The following CPQ variants were observed in gnomAD, a reference collection of about 807,000 sequenced individuals.
The protein encoded by CPQ is Ser-Met dipeptidase.
Under a neutral mutation model 45.7 loss-of-function variants are expected in CPQ, and 37 were observed. The observed-to-expected ratio is 0.81, with a 90% CI of 0.62 to 1.07. The LOEUF (loss-of-function observed/expected upper bound fraction) is 1.07, where lower values mean the gene tolerates loss of function less well. Ranked by LOEUF, CPQ falls within the 50% of genes least tolerant of loss-of-function variation. The pLI is 0.00. For synonymous variants in CPQ, 186 were observed against 205.8 expected (o/e 0.90, Z 0.82); for missense variants, 537 against 572.9 (o/e 0.94, Z 0.64).
intron 1 of CPQ, among the ~76,000 whole-genome samples, chr8:96,696,555 A>C (rs1028068673): frequency 7.6e-4 from 116 of 152,190 alleles, no homozygotes; most frequent in Non-Finnish European, 1.5e-3. Flanking sequence ...TAAAATTAAA[A>C]AATAGTACAA....
intron 1 of CPQ, among the ~76,000 whole-genome samples, chr8:96,737,316 A>G (rs938872656): frequency 6.9e-6 from 1 of 145,744 alleles, no homozygotes; most frequent in Non-Finnish European, 1.5e-5. Context: ...TAGGATATAT[A>G]TATATATATA....
At chr8:97,124,670 A>G (rs1811815612) in intron 7 of CPQ, among the ~76,000 whole-genome samples, 1 of 152,228 alleles carries the variant, frequency 6.6e-6, no homozygotes, top group Non-Finnish European at 1.5e-5. Flanking sequence ...TCACACTTCT[A>G]AATAAGCCAT....
intron 1 of CPQ, among the ~76,000 whole-genome samples, chr8:96,654,263 T>C (rs944208675): frequency 6.6e-6 from 1 of 152,228 alleles, no homozygotes; most frequent in African/African-American, 2.4e-5. Flanking sequence ...CCACCTTTTT[T>C]CCCACTATAT....
intron 7 of CPQ, among the ~76,000 whole-genome samples, chr8:97,133,790 A>G (rs79881125): frequency 1.7e-3 from 257 of 152,324 alleles, no homozygotes; most frequent in African/African-American, 5.9e-3. Context: ...GGGACCTTTA[A>G]TCAACAGTAA....
intron 1 of CPQ, among the ~76,000 whole-genome samples, chr8:96,719,018 C>T (rs1285595951): frequency 6.6e-6 from 1 of 152,272 alleles, no homozygotes; most frequent in Non-Finnish European, 1.5e-5. Context: ...GCCCAGCTGG[C>T]TTCACCCAGT....
intron 3 of CPQ, among the ~76,000 whole-genome samples, chr8:96,849,051 G>T (rs995338967): frequency 6.6e-6 from 1 of 152,166 alleles, no homozygotes; most frequent in African/African-American, 2.4e-5. Flanking sequence ...GTCAGAATAA[G>T]ATGTGGTGTA....
intron 3 of CPQ, among the ~76,000 whole-genome samples, chr8:96,871,693 A>G (rs549376544): frequency 6.6e-6 from 1 of 151,974 alleles, no homozygotes; most frequent in Middle Eastern, 3.4e-3. Context: ...TACATCATTG[A>G]AAACTCATGT....
chr8:97,034,053 G>A (rs889789532), intron 6 of CPQ, among the ~76,000 whole-genome samples: 9 of 151,980 alleles, frequency 5.9e-5, no homozygotes, highest in African/African-American at 1.9e-4. Flanking sequence ...TATAATACGT[G>A]CTAGAATTTA....
At chr8:97,002,095 T>C (rs1197322674) in intron 5 of CPQ, among the ~76,000 whole-genome samples, 2 of 152,164 alleles carry the variant, frequency 1.3e-5, no homozygotes, top group African/African-American at 2.4e-5. Flanking sequence ...TGTATTTCTG[T>C]GGAGTCAGGG....
intron 4 of CPQ, among the ~76,000 whole-genome samples, chr8:96,916,821 A>G (rs1314012913): frequency 1.3e-5 from 2 of 152,214 alleles, no homozygotes; most frequent in South Asian, 2.1e-4. Context: ...GAGCATGGTC[A>G]GATATTTTGT....
At chr8:96,808,994 A>G (rs2130827782) in intron 2 of CPQ, among the ~76,000 whole-genome samples, 1 of 152,288 alleles carries the variant, frequency 6.6e-6, no homozygotes, top group Middle Eastern at 3.4e-3. Flanking sequence ...ATGCACATGA[A>G]TGTGCTTTGA....
At chr8:96,685,515 T>C (rs1466370695) in intron 1 of CPQ, among the ~76,000 whole-genome samples, 1 of 152,150 alleles carries the variant, frequency 6.6e-6, no homozygotes, top group Non-Finnish European at 1.5e-5. Flanking sequence ...TCAAATATAC[T>C]TATGACATTA....
rs1365328494 is a variant in CPQ, at chr8:96,802,312, G to T, written c.433+16982G>T. On this transcript the variant is annotated intron_variant, in intron 2 of 7. Transcript: ENST00000220763. ...AAAAGCTTTCTTTGACAGGCTCATTGTAGTCTTGGAATTATAGTCACTTGA... is the reference window on the plus strand; with the variant it reads ...AAAAGCTTTCTTTGACAGGCTCATTTTAGTCTTGGAATTATAGTCACTTGA... Among the ~76,000 whole-genome samples, 8 of 152,212 alleles carry T rather than the reference G, an allele frequency of 5.3e-5. No homozygotes were observed. The East Asian group carries it at 1.5e-3, about 29-fold the overall frequency.
intron 5 of CPQ, 25 bp from the exon 6 acceptor site, chr8:97,029,378 C>G (rs1563558921): frequency 6.4e-7 from 1 of 1,557,234 alleles, no homozygotes; most frequent in South Asian, 1.2e-5. Context: ...TAAAGTATCA[C>G]TTTTTTATTT....
intron 6 of CPQ, among the ~76,000 whole-genome samples, chr8:97,044,253 C>G (rs568695508): frequency 6.6e-6 from 1 of 152,184 alleles, no homozygotes; most frequent in Non-Finnish European, 1.5e-5. Flanking sequence ...ATCACTGATA[C>G]CCTTTCTTCC....
At chr8:97,091,377 G>A (rs923676797) in intron 7 of CPQ, among the ~76,000 whole-genome samples, 2 of 152,192 alleles carry the variant, frequency 1.3e-5, no homozygotes, top group Non-Finnish European at 2.9e-5. Context: ...TACAGTCACA[G>A]AGTGACCTTG....
intron 2 of CPQ, among the ~76,000 whole-genome samples, chr8:96,796,903 T>C (rs1444252808): frequency 2.6e-5 from 4 of 152,206 alleles, no homozygotes; most frequent in Non-Finnish European, 5.9e-5. Context: ...TGTTGAGCTG[T>C]GGAGATTAGC....
Position 96,877,339 on chromosome 8 carries a change from C to T in CPQ, c.642-2459C>T, listed in dbSNP as rs150152955. ...CTCAGCTGAGCCATGGGTGCATGCC[C>T]GGCTCACTGTCCCCACTTTAAGAAG... On this transcript the variant is annotated intron_variant, in intron 3 of 7. Transcript: ENST00000220763. Among the ~76,000 whole-genome samples, 128 of 152,240 alleles carry T rather than the reference C, an allele frequency of 8.4e-4. 3 individuals carry two copies. The East Asian group carries it at 0.016, about 19-fold the overall frequency.
intron 2 of CPQ, 32 bp from the exon 3 acceptor site, chr8:96,834,941 G>C (rs768239462): frequency 6.3e-7 from 1 of 1,594,428 alleles, no homozygotes; most frequent in East Asian, 2.2e-5. Context: ...ATGGGAAACT[G>C]TAAGTTAATC....
Sources: allele counts gnomAD v4.1 joint callset (sites outside exome capture counted in the v4.1 genomes callset), GRCh38; gene constraint gnomAD v4.1.1; transcripts MANE v1.5; gene names NCBI Gene and HGNC (gene_info 2026-07-23, HGNC 2026-07-21).